The following GMDS variants were observed in gnomAD, a reference collection of about 807,000 sequenced individuals.
GMDS encodes GDP-mannose 4,6-dehydratase, also known as GDP-mannose 4,6 dehydratase.
A neutral mutation model predicts 49.9 loss-of-function variants in GMDS; 20 were observed. The ratio of observed to expected loss-of-function variants is 0.40; its 90% CI spans 0.28 to 0.58. The LOEUF (loss-of-function observed/expected upper bound fraction) is 0.58, where lower values mean the gene tolerates loss of function less well. GMDS is among the 20% of genes least tolerant of loss of function. The pLI is 0.42. For synonymous variants in GMDS, 177 were observed against 178.6 expected (o/e 0.99, Z 0.07); for missense variants, 362 against 481.4 (o/e 0.75, Z 2.32).
intron 4 of GMDS, among the ~76,000 whole-genome samples, chr6:2,098,817 C>T (rs1317711606): frequency 6.6e-6 from 1 of 151,996 alleles, no homozygotes; most frequent in African/African-American, 2.4e-5. Context: ...AGCTATAAAT[C>T]CTGGAATCTT....
chr6:1,732,534 A>T (rs1479729170), intron 8 of GMDS, among the ~76,000 whole-genome samples: 1 of 152,198 alleles, frequency 6.6e-6, no homozygotes, highest in Non-Finnish European at 1.5e-5. Context: ...AGGCCGACAG[A>T]TAAGTCCCAG....
At chr6:2,039,869 C>T (rs183639693) in intron 4 of GMDS, among the ~76,000 whole-genome samples, 10 of 152,276 alleles carry the variant, frequency 6.6e-5, no homozygotes, top group Admixed American at 1.3e-4. Context: ...AGCACATAAA[C>T]TAGTAGTATA....
intron 4 of GMDS, among the ~76,000 whole-genome samples, chr6:2,039,994 T>C (rs1026536826): frequency 4.6e-5 from 7 of 152,238 alleles, no homozygotes; most frequent in African/African-American, 1.7e-4. Context: ...GCGTAACATG[T>C]TGTGCTACAA....
At chr6:1,650,250 A>G (rs1176039390) in intron 9 of GMDS, among the ~76,000 whole-genome samples, 1 of 152,138 alleles carries the variant, frequency 6.6e-6, no homozygotes, top group Non-Finnish European at 1.5e-5. Context: ...AAAGACTGAC[A>G]GGATCATCTC....
At chr6:2,141,938 C>G (rs1024166316) in intron 1 of GMDS, among the ~76,000 whole-genome samples, 31 of 151,874 alleles carry the variant, frequency 2.0e-4, no homozygotes, top group Non-Finnish European at 3.7e-4. Flanking sequence ...CTACACTCCC[C>G]CTTCTCTCCG....
intron 7 of GMDS, among the ~76,000 whole-genome samples, chr6:1,826,245 AC>A: frequency 6.6e-6 from 1 of 152,222 alleles, no homozygotes; most frequent in East Asian, 1.9e-4. Flanking sequence ...CTACCACGTC[AC>A]TACATGATTA....
At chr6:2,084,773 C>T (rs1482035763) in intron 4 of GMDS, among the ~76,000 whole-genome samples, 2 of 152,194 alleles carry the variant, frequency 1.3e-5, no homozygotes, top group Non-Finnish European at 2.9e-5. Context: ...TCCCAAAGTG[C>T]TGGGATTACA....
chr6:1,679,829 A>T (rs1352197044), intron 9 of GMDS: 1 of 152,236 alleles, frequency 6.6e-6, no homozygotes, highest in Non-Finnish European at 1.5e-5. Context: ...AACAAATCTT[A>T]GCTTTATTGT....
At chr6:2,093,740 T>C (rs1395712779) in intron 4 of GMDS, among the ~76,000 whole-genome samples, 3 of 151,912 alleles carry the variant, frequency 2.0e-5, no homozygotes, top group East Asian at 3.9e-4. Flanking sequence ...ACTGTGTGTA[T>C]GTCAGAAATA....
At chr6:2,015,482 C>G (rs1025003681) in intron 4 of GMDS, among the ~76,000 whole-genome samples, 3 of 152,010 alleles carry the variant, frequency 2.0e-5, no homozygotes, top group Non-Finnish European at 4.4e-5. Context: ...TACAATTTAT[C>G]AAAATGTGTG....
chr6:1,860,858 G>A (rs1758149950), intron 7 of GMDS, among the ~76,000 whole-genome samples: 1 of 152,128 alleles, frequency 6.6e-6, no homozygotes, highest in Non-Finnish European at 1.5e-5. Flanking sequence ...ACACACTGAT[G>A]GGAAGGAGAG....
intron 1 of GMDS, among the ~76,000 whole-genome samples, chr6:2,182,799 G>A (rs147158421): frequency 5.9e-5 from 9 of 152,084 alleles, no homozygotes; most frequent in East Asian, 3.8e-4. Context: ...TCTACCTCGC[G>A]GGCTCAAGTC....
intron 1 of GMDS, 95 bp downstream of exon 1, chr6:2,245,226 T>A (rs1781807712): frequency 1.1e-6 from 1 of 874,382 alleles, no homozygotes; most frequent in African/African-American, 1.7e-5. Flanking sequence ...GAGAGGGCTG[T>A]TCCTGGAGAG....
chr6:1,752,207 G>C (rs1767763052), intron 7 of GMDS, among the ~76,000 whole-genome samples: 1 of 152,074 alleles, frequency 6.6e-6, no homozygotes, highest in South Asian at 2.1e-4. Context: ...TGATGGAGCT[G>C]AAAAACACAG....
At chr6:1,980,038 T>C (rs1233998497) in intron 4 of GMDS, among the ~76,000 whole-genome samples, 2 of 152,220 alleles carry the variant, frequency 1.3e-5, no homozygotes, top group Non-Finnish European at 2.9e-5. Flanking sequence ...CAAGAGCTCC[T>C]GAAGGAAGCA....
intron 4 of GMDS, among the ~76,000 whole-genome samples, chr6:2,062,684 AACC>A (rs769607623): frequency 7.2e-5 from 11 of 152,216 alleles, no homozygotes; most frequent in Non-Finnish European, 1.6e-4. Flanking sequence ...TGTTGATCCA[AACC>A]ACCAAGTTTT....
chr6:1,892,657 C>CCA (rs1430352758), intron 7 of GMDS, among the ~76,000 whole-genome samples: 2 of 152,192 alleles, frequency 1.3e-5, no homozygotes, highest in African/African-American at 4.8e-5. Context: ...CACACCCAGC[C>CCA]TTAATTAAGC....
chr6:1,773,057 G>A (rs373456436), intron 7 of GMDS, among the ~76,000 whole-genome samples: 2 of 151,902 alleles, frequency 1.3e-5, no homozygotes, highest in African/African-American at 4.9e-5. Context: ...AAGGACAGAG[G>A]AGGCTCTTGG....
At chr6:2,061,514 G>A (rs1415940908) in intron 4 of GMDS, among the ~76,000 whole-genome samples, 1 of 151,762 alleles carries the variant, frequency 6.6e-6, no homozygotes, top group Non-Finnish European at 1.5e-5. Context: ...GCCAGGACTT[G>A]GAGACCAACT....
Sources: allele counts gnomAD v4.1 joint callset (sites outside exome capture counted in the v4.1 genomes callset), GRCh38; gene constraint gnomAD v4.1.1; transcripts MANE v1.5; gene names NCBI Gene and HGNC (gene_info 2026-07-23, HGNC 2026-07-21).